The following DNAH11 variants were observed in gnomAD, a reference collection of about 807,000 sequenced individuals.
The protein encoded by DNAH11 is axonemal beta dynein heavy chain 11.
DNAH11 carries 442 observed loss-of-function variants against 526.0 expected under a neutral mutation model. That is an observed-to-expected ratio of 0.84 (90% CI 0.78 to 0.91). DNAH11 has a LOEUF of 0.91. Among genes scored for constraint, DNAH11 ranks in the 40% least tolerant of loss-of-function variants. The pLI, the probability that DNAH11 is intolerant of heterozygous loss-of-function variation, is 0.00. For synonymous variants in DNAH11, 2,461 were observed against 1,935.9 expected (o/e 1.27, Z -7.12); for missense variants, 6,989 against 5,448.7 (o/e 1.28, Z -8.90).
chr7:21,649,111 A>C (rs1339468098), intron 28 of DNAH11, among the ~76,000 whole-genome samples: 63 of 152,238 alleles, frequency 4.1e-4, no homozygotes, highest in Non-Finnish European at 2.9e-5. Context: ...ATCAAGATCA[A>C]ACCCACCAAA....
At chr7:21,683,995 C>T (rs1235395396) in intron 32 of DNAH11, 51 bp downstream of exon 32, 4 of 1,580,122 alleles carry the variant, frequency 2.5e-6, no homozygotes, top group Admixed American at 3.5e-5. Context: ...CAAAAAAGTC[C>T]CCTAGTGTGA....
At chr7:21,719,529 C>T (rs1037406366) in intron 43 of DNAH11, among the ~76,000 whole-genome samples, 4 of 152,084 alleles carry the variant, frequency 2.6e-5, no homozygotes, top group African/African-American at 9.7e-5. Flanking sequence ...TTCAACAGTG[C>T]CTTAGAACAA....
In DNAH11 at chr7:21,707,816, C is replaced by G. The variant is rs773498002; in HGVS notation, c.6664C>G (p.Arg2222Gly). 124 of 1,597,700 alleles carry G rather than the reference C, an allele frequency of 7.8e-5. No individual in the cohort carries two copies. The highest frequency in any genetic ancestry group is 8.8e-5 in the Admixed American group (5 of 56,670). ...CTTTGGTTTCATACATCATGCTACC[C>G]GAGAATGGAAAGATGGCAAGTAGTA... ...ELFGFIHHAT[R>G]EWKDGKIVYS... is the part of the protein sequence containing the mutation. Residue 2222 changes from arginine to glycine, a missense_variant, in exon 40 of 82, where the codon CGA (arginine) becomes GGA (glycine). By Grantham distance (125) the Arg-to-Gly change is moderately radical. Transcript: ENST00000409508.
chr7:21,634,470 A>T (rs1273969128), intron 25 of DNAH11, among the ~76,000 whole-genome samples: 1 of 152,222 alleles, frequency 6.6e-6, no homozygotes, highest in Non-Finnish European at 1.5e-5. Flanking sequence ...AGAGTCAAGT[A>T]TGTTAAATAC....
At chr7:21,896,183 T>A (rs1454352366) in intron 79 of DNAH11, among the ~76,000 whole-genome samples, 4 of 152,260 alleles carry the variant, frequency 2.6e-5, no homozygotes, top group Non-Finnish European at 5.9e-5. Context: ...TGTTTTAATA[T>A]ACTGTACTGA....
At chr7:21,624,960 T>A (rs1583540232) in intron 25 of DNAH11, among the ~76,000 whole-genome samples, 1 of 152,134 alleles carries the variant, frequency 6.6e-6, no homozygotes, top group African/African-American at 2.4e-5. Flanking sequence ...AGGATTTTTT[T>A]AATGTATGTT....
At chr7:21,850,603 T>C (rs1782593746) in intron 66 of DNAH11, among the ~76,000 whole-genome samples, 1 of 132,676 alleles carries the variant, frequency 7.5e-6, no homozygotes, top group South Asian at 2.5e-4. Flanking sequence ...GCGTTCTGTC[T>C]TCTTCTTTTT....
intron 12 of DNAH11, 62 bp from the exon 13 acceptor site, chr7:21,590,856 T>A (rs1784647732): frequency 9.9e-7 from 1 of 1,014,788 alleles, no homozygotes; most frequent in Non-Finnish European, 1.3e-6. Flanking sequence ...AAGTTAAACT[T>A]GAGTTAAAAT....
At chr7:21,805,774 A>G (rs1242199369) in intron 62 of DNAH11, among the ~76,000 whole-genome samples, 1 of 152,190 alleles carries the variant, frequency 6.6e-6, no homozygotes, top group African/African-American at 2.4e-5. Context: ...AGAAAATTGT[A>G]TCATGTTAAC....
chr7:21,750,731 C>T (rs1786376814), intron 54 of DNAH11, among the ~76,000 whole-genome samples: 1 of 152,098 alleles, frequency 6.6e-6, no homozygotes, highest in Non-Finnish European at 1.5e-5. Flanking sequence ...GCTGGTCATC[C>T]TGGAGGAAAT....
intron 42 of DNAH11, among the ~76,000 whole-genome samples, chr7:21,716,914 T>A (rs1784686311): frequency 3.9e-5 from 6 of 152,216 alleles, no homozygotes; most frequent in South Asian, 4.1e-4. Flanking sequence ...GTTTGTCAGA[T>A]AATCATCTTG....
chr7:21,750,572 C>A (rs1452086631), intron 54 of DNAH11, among the ~76,000 whole-genome samples: 1 of 152,196 alleles, frequency 6.6e-6, no homozygotes, highest in African/African-American at 2.4e-5. Flanking sequence ...GCGGTGTGTG[C>A]AGTCCTCAGC....
At position 21,717,786 on chromosome 7, in the gene DNAH11, G is replaced by A. The variant is rs1003477055; in HGVS notation, c.6995G>A (p.Ser2332Asn). ...GTGTTCCTTTTCAGGTATGTGGCCA[G>A]TTGGATAGACAGAAGGCGGCATCAA... Reference protein sequence around the residue: ...QDLGWNPYVASWIDRRRHQSE... With the variant: ...QDLGWNPYVANWIDRRRHQSE... Residue 2332 changes from serine to asparagine, a missense_variant, in exon 43 of 82, where the codon AGT becomes AAT. Transcript: ENST00000409508. 6.2e-7 allele frequency: 1 copy of A among 1,613,790 alleles called. No homozygotes were observed. The highest frequency in any genetic ancestry group is 2.2e-5 in the East Asian group (1 of 44,878).
chr7:21,568,828 A>G (rs559842979), intron 6 of DNAH11, among the ~76,000 whole-genome samples: 1 of 152,312 alleles, frequency 6.6e-6, no homozygotes, highest in African/African-American at 2.4e-5. Flanking sequence ...AAAAAGACAC[A>G]TTTACTATAA....
chr7:21,795,023 A>T (rs1465626004), intron 61 of DNAH11, among the ~76,000 whole-genome samples: 1 of 151,968 alleles, frequency 6.6e-6, no homozygotes, highest in Admixed American at 6.5e-5. Flanking sequence ...GAGTTCCAGG[A>T]TGTTGCTGGT....
rs559451610 is a variant in DNAH11, at chr7:21,720,815, G to A, written c.7225G>A (p.Ala2409Thr). The A allele has an allele frequency of 2.6e-4, 426 of 1,612,732 alleles. 2 individuals carry two copies. In the South Asian group the frequency reaches 4.4e-3, roughly 17 times the overall value. The change falls in exon 44 of 82, where the codon GCT becomes ACT. Residue 2409 changes from alanine (A) to threonine (T), a missense_variant. Transcript: ENST00000409508. ...AGTTTATGAAGTCTATTTTGTATTT[G>A]CTTGTATCTGGGCTTTTGGAGGCAC... ...KEVYEVYFVFACIWAFGGTLL... is the reference protein window; with the variant it reads ...KEVYEVYFVFTCIWAFGGTLL...
intron 4 of DNAH11, among the ~76,000 whole-genome samples, chr7:21,560,826 A>G (rs1307907300): frequency 2.6e-5 from 4 of 152,194 alleles, no homozygotes; most frequent in Admixed American, 2.6e-4. Context: ...TTGACACTCA[A>G]TTATAACTAT....
intron 25 of DNAH11, among the ~76,000 whole-genome samples, chr7:21,632,146 G>C (rs1786645466): frequency 6.6e-6 from 1 of 152,184 alleles, no homozygotes; most frequent in Non-Finnish European, 1.5e-5. Flanking sequence ...GCCCCTTTCA[G>C]CCATGGCTGG....
chr7:21,751,217 G>A (rs1360145556), intron 54 of DNAH11, among the ~76,000 whole-genome samples: 1 of 152,088 alleles, frequency 6.6e-6, no homozygotes, highest in Non-Finnish European at 1.5e-5. Context: ...CCAGCTACTT[G>A]GGTGGCTGAG....
Sources: allele counts gnomAD v4.1 joint callset (sites outside exome capture counted in the v4.1 genomes callset), GRCh38; gene constraint gnomAD v4.1.1; transcripts MANE v1.5; gene names NCBI Gene and HGNC (gene_info 2026-07-23, HGNC 2026-07-21).